The following NIM1K variants were observed in gnomAD, a reference collection of about 807,000 sequenced individuals.
NIM1K encodes the protein serine/threonine-protein kinase NIM1.
In NIM1K, 35 loss-of-function variants were observed where a neutral mutation model predicts 37.1. The ratio of observed to expected loss-of-function variants is 0.94; its 90% CI spans 0.72 to 1.25. The LOEUF (loss-of-function observed/expected upper bound fraction) is 1.25. Among genes scored for constraint, NIM1K ranks in the 50% most tolerant of loss-of-function variants. NIM1K has a pLI of 0.00. For synonymous variants in NIM1K, 234 were observed against 206.6 expected, an observed-to-expected ratio of 1.13 and a Z score of -1.14; for missense variants, 564 against 548.0, an observed-to-expected ratio of 1.03 and a Z score of -0.29.
At chr5:43,253,532 T>C (rs1441745530) in intron 2 of NIM1K, among the ~76,000 whole-genome samples, 1 of 152,016 alleles carries the variant, frequency 6.6e-6, no homozygotes, top group East Asian at 1.9e-4. Context: ...TTAAAAGTAA[T>C]TCAGCAAAGC....
chr5:43,262,131 T>A (rs538409455), intron 2 of NIM1K, among the ~76,000 whole-genome samples: 53 of 152,348 alleles, frequency 3.5e-4, no homozygotes, highest in African/African-American at 1.1e-3. Flanking sequence ...AGTAGTTTTT[T>A]CCACTTCTGT....
At chr5:43,207,730 A>C in intron 1 of NIM1K, 1 of 485,098 alleles carries the variant, frequency 2.1e-6, no homozygotes, top group Middle Eastern at 7.5e-4. Context: ...GTTCTGCGGA[A>C]TTCTCAAAGG....
chr5:43,243,449 GTT>G (rs374755279), intron 1 of NIM1K, among the ~76,000 whole-genome samples: 1 of 141,822 alleles, frequency 7.1e-6, no homozygotes. Flanking sequence ...ATGGGTGAGG[GTT>G]TTTTTTTTTT....
chr5:43,199,207 ATAT>A (rs1561070515), intron 1 of NIM1K, among the ~76,000 whole-genome samples: 13,376 of 65,586 alleles, frequency 0.2, 2,860 homozygotes, highest in Non-Finnish European at 0.24. Flanking sequence ...AAAAAAAAAT[ATAT>A]ATATATATAT....
At position 43,239,435 on chromosome 5, in the gene NIM1K, T is replaced by C. The variant is rs145450042; in HGVS notation, c.-694-5647T>C. Among the ~76,000 whole-genome samples, 526 of 152,076 alleles carry C rather than the reference T, an allele frequency of 3.5e-3. 15 individuals carry two copies. Among genetic ancestry groups the C allele is most frequent in the African/African-American group, 0.012 (501 of 41,348 alleles). On this transcript the variant is annotated intron_variant, in intron 1 of 3. Transcript: ENST00000326035. ...TTGTATTTTTAGTAGAGTCTGGGTTTCACTATGTTGGCCAGGCTGGTCTCG... is the reference window on the plus strand; with the variant it reads ...TTGTATTTTTAGTAGAGTCTGGGTTCCACTATGTTGGCCAGGCTGGTCTCG...
chr5:43,240,574 C>G (rs569761146), intron 1 of NIM1K, among the ~76,000 whole-genome samples: 10 of 140,560 alleles, frequency 7.1e-5, no homozygotes, highest in African/African-American at 2.7e-4. Flanking sequence ...GATGCATTCT[C>G]TTTCTGTTGC....
intron 1 of NIM1K, among the ~76,000 whole-genome samples, chr5:43,220,819 T>C (rs527488437): frequency 9.8e-5 from 15 of 152,322 alleles, no homozygotes; most frequent in African/African-American, 2.9e-4. Flanking sequence ...CACATAGTTA[T>C]AATGATTACT....
chr5:43,198,207 C>CTTTCTTTCTCTCTCTTTCTTTCTT (rs1281355308), intron 1 of NIM1K, among the ~76,000 whole-genome samples: 1 of 48,872 alleles, frequency 2.0e-5, no homozygotes. Flanking sequence ...TTCTTTCTTT[C>CTTTCTTTCTCTCTCTTTCTTTCTT]TCTTTCTTTC....
Position 43,216,006 on chromosome 5 carries a change from C to G in NIM1K, c.-695+23595C>G, listed in dbSNP as rs368019200. ...ACATCACTGGGGATGCAGGCACTCC[C>G]CGGAGGCTTTTCTGTTTCCTATCAT... On this transcript the variant is annotated intron_variant, in intron 1 of 3. Transcript: ENST00000326035. Among the ~76,000 whole-genome samples, 1,061 of 151,456 alleles carry G rather than the reference C, an allele frequency of 7.0e-3. 11 individuals carry two copies. Among genetic ancestry groups the G allele is most frequent in the Middle Eastern group, 0.034 (10 of 294 alleles).
At chr5:43,241,379 G>C (rs2112257164) in intron 1 of NIM1K, among the ~76,000 whole-genome samples, 1 of 150,298 alleles carries the variant, frequency 6.7e-6, no homozygotes, top group South Asian at 2.1e-4. Context: ...CTTTAGGCTG[G>C]AGTGCAGTTG....
rs61734290 is a variant in NIM1K at position 43,280,216 on chromosome 5, T to C, written c.798T>C (p.Thr266=). ...ALGVLLYFMV[T]GTMPFRAETV... The stretch of plus-strand genomic sequence containing the variant: ...GGGTGCTTTTGTACTTCATGGTGAC[T>C]GGCACCATGCCATTTCGGGCAGAAA... Residue 266 remains threonine (T), a synonymous_variant, in exon 4 of 4, where the codon ACT becomes ACC. Coordinates refer to ENST00000326035, the MANE Select transcript of NIM1K (RefSeq NM_153361.4). The C allele has an allele frequency of 3.0e-3, 4,921 of 1,614,190 alleles. 19 individuals carry two copies. The highest frequency in any genetic ancestry group is 4.2e-3 in the Admixed American group (250 of 60,020).
chr5:43,192,644 A>G (rs963538719), intron 1 of NIM1K, among the ~76,000 whole-genome samples: 1 of 152,210 alleles, frequency 6.6e-6, no homozygotes, highest in African/African-American at 2.4e-5. Flanking sequence ...AGGAGGGGGC[A>G]TTAGAGCCAG....
chr5:43,268,359 G>T (rs781207752), intron 2 of NIM1K, among the ~76,000 whole-genome samples: 1 of 152,292 alleles, frequency 6.6e-6, no homozygotes, highest in East Asian at 1.9e-4. Context: ...AAGGCTTGTT[G>T]GTTAGGGGTT....
Position 43,280,720 on chromosome 5 carries a change from G to T in NIM1K, c.1302G>T (p.Ser434=). The T allele has an allele frequency of 6.3e-7, 1 of 1,593,368 alleles. No homozygotes were observed. The highest frequency in any genetic ancestry group is 8.5e-7 in the Non-Finnish European group (1 of 1,173,730). ...RGIRHTSKFC[S]IL ...TAAGACACACATCCAAATTTTGCTC[G>T]ATTTTATAAATTGCACTAGACTGCT... Residue 434 remains serine, a synonymous_variant, in exon 4 of 4, where the codon TCG becomes TCT. Coordinates refer to ENST00000326035, the MANE Select transcript of NIM1K (RefSeq NM_153361.4).
At chr5:43,237,892 C>T (rs1752643581) in intron 1 of NIM1K, among the ~76,000 whole-genome samples, 1 of 151,876 alleles carries the variant, frequency 6.6e-6, no homozygotes, top group African/African-American at 2.4e-5. Context: ...AAAACAGAAA[C>T]CATATGTTTT....
In NIM1K at chr5:43,245,940, G is replaced by A; in HGVS notation, c.165G>A (p.Met55Ile). 6.2e-7 allele frequency: 1 copy of A among 1,614,162 alleles called. No homozygotes were observed. Among genetic ancestry groups the A allele is most frequent in the Non-Finnish European group, 8.5e-7 (1 of 1,180,018 alleles). The change falls in exon 2 of 4, where the codon ATG becomes ATA. Residue 55 changes from methionine to isoleucine, a missense_variant. By Grantham distance (10) the Met-to-Ile change is conservative (BLOSUM62 1). Coordinates refer to ENST00000326035, the MANE Select transcript of NIM1K (RefSeq NM_153361.4). ...LTPFEKLTQD[M>I]SQDEKVVREI... is the part of the protein sequence containing the mutation. ...CCTTCGAGAAACTGACACAGGACAT[G>A]TCCCAGGATGAGAAGGTGGTGAGGG...
chr5:43,278,016 T>TTTCC lies in NIM1K; in HGVS notation c.561+710_561+713dup, dbSNP rs59194066. ...TCCTTTTCTTCCTCCCTTCCTTTCT[T>TTTCC]TTCCTTCCTTCCTTCCTTCCTTTCT... On this transcript the variant is annotated intron_variant, in intron 3 of 3. Transcript: ENST00000326035. Among the ~76,000 whole-genome samples the TTTCC allele has an allele frequency of 4.4e-3, 654 of 148,020 alleles. 4 individuals carry two copies. Among genetic ancestry groups the TTTCC allele is most frequent in the Non-Finnish European group, 7.5e-3 (504 of 67,538 alleles).
intron 1 of NIM1K, among the ~76,000 whole-genome samples, chr5:43,198,450 T>C (rs956377926): frequency 2.0e-5 from 3 of 151,550 alleles, no homozygotes; most frequent in Non-Finnish European, 2.9e-5. Flanking sequence ...CTTTCTTTCC[T>C]TCTTTCTATA....
chr5:43,198,187 CT>C (rs754850494), intron 1 of NIM1K, among the ~76,000 whole-genome samples: 3 of 65,596 alleles, frequency 4.6e-5, no homozygotes, highest in African/African-American at 1.8e-4. Flanking sequence ...TTCTTTCTTT[CT>C]TTCTTTCTTT....
Sources: allele counts gnomAD v4.1 joint callset (sites outside exome capture counted in the v4.1 genomes callset), GRCh38; gene constraint gnomAD v4.1.1; transcripts MANE v1.5; gene names NCBI Gene and HGNC (gene_info 2026-07-23, HGNC 2026-07-21).